The following CCND3 variants were observed in gnomAD, a reference collection of about 807,000 sequenced individuals.
CCND3 encodes the protein G1/S-specific cyclin-D3.
Under a neutral mutation model 28.7 loss-of-function variants are expected in CCND3, and 9 were observed. That is an observed-to-expected ratio of 0.31 (90% confidence interval 0.19 to 0.55). The LOEUF (loss-of-function observed/expected upper bound fraction) is 0.55. CCND3 is among the 20% of genes least tolerant of loss of function. The probability of loss-of-function intolerance (pLI) is 0.93; values close to 1 mark genes in which losing one functional copy is unlikely to be tolerated. For missense variants in CCND3, 315 were observed against 385.8 expected (o/e 0.82, Z 1.54); for synonymous variants, 164 against 163.9 (o/e 1.00, Z 0.00).
intron 1 of CCND3, among the ~76,000 whole-genome samples, chr6:41,979,121 A>C (rs1004740921): frequency 2.1e-5 from 3 of 144,520 alleles, no homozygotes; most frequent in Admixed American, 7.2e-5. Flanking sequence ...CAGTGAGCCG[A>C]GATCACACCA....
intron 1 of CCND3, among the ~76,000 whole-genome samples, chr6:41,991,208 G>A (rs1395961205): frequency 1.3e-5 from 2 of 151,944 alleles, no homozygotes; most frequent in African/African-American, 4.8e-5. Context: ...ACAGGCATGT[G>A]GCACCACACC....
At chr6:42,008,365 C>T (rs1319930220) in intron 1 of CCND3, among the ~76,000 whole-genome samples, 1 of 149,570 alleles carries the variant, frequency 6.7e-6, no homozygotes, top group Non-Finnish European at 1.5e-5. Flanking sequence ...GCAACAAGAG[C>T]GAAACTCTGT....
At chr6:42,027,055 G>A (rs910463577) in intron 1 of CCND3, among the ~76,000 whole-genome samples, 8 of 152,294 alleles carry the variant, frequency 5.3e-5, no homozygotes, top group African/African-American at 1.9e-4. Flanking sequence ...GGGTAAAGGC[G>A]TGAAAAAGGG....
At position 42,027,168 on chromosome 6, in the gene CCND3, G is replaced by A. The variant is rs569492247; in HGVS notation, c.-46+21333C>T. Among the ~76,000 whole-genome samples the A allele has an allele frequency of 3.0e-4, 45 of 152,272 alleles. 1 individual carries two copies. The highest frequency in any genetic ancestry group is 2.7e-3 in the Admixed American group (41 of 15,290). ...GTTAAGACACCACTAGGCCGGGCGC[G>A]GTGGCTCATGCCTGTAATCCCAGCA... is the stretch of plus-strand genomic sequence containing the variant. On this transcript the variant is annotated intron_variant, in intron 1 of 4. Coordinates refer to the CCND3 transcript ENST00000372988.
intron 1 of CCND3, among the ~76,000 whole-genome samples, chr6:42,023,089 A>T (rs56007794): frequency 0.22 from 32,877 of 152,212 alleles, 3,724 homozygotes; most frequent in Middle Eastern, 0.31. Context: ...CATCTTTCAC[A>T]GACATGCGCA....
intron 1 of CCND3, among the ~76,000 whole-genome samples, chr6:42,001,463 T>TAACC (rs1427528913): frequency 6.6e-6 from 1 of 151,508 alleles, no homozygotes; most frequent in African/African-American, 2.4e-5. Flanking sequence ...CCACATATAC[T>TAACC]AAGTGAAAGA....
intron 1 of CCND3, among the ~76,000 whole-genome samples, chr6:41,970,520 G>C (rs1483258599): frequency 6.6e-6 from 1 of 152,106 alleles, no homozygotes; most frequent in East Asian, 1.9e-4. Context: ...TTCATTTGAG[G>C]TCACATAGCA....
chr6:41,980,680 A>T (rs980598229), intron 1 of CCND3, among the ~76,000 whole-genome samples: 5 of 152,236 alleles, frequency 3.3e-5, no homozygotes, highest in Non-Finnish European at 1.5e-5. Flanking sequence ...AGAATTATAC[A>T]TTATGAGCAA....
chr6:42,035,163 G>A (rs1764167778), intron 1 of CCND3, among the ~76,000 whole-genome samples: 1 of 152,178 alleles, frequency 6.6e-6, no homozygotes, highest in Non-Finnish European at 1.5e-5. Flanking sequence ...TATTAGGAGA[G>A]AAGGAATGCC....
Position 41,935,678 on chromosome 6 carries a change from C to T in CCND3, c.*262G>A, listed in dbSNP as rs954167492. ...ATCCAATTCTGTCCCATCAGCCTGGCCCACCCCCAGCTAGAGTTGGGAAAG... is the reference window on the plus strand; with the variant it reads ...ATCCAATTCTGTCCCATCAGCCTGGTCCACCCCCAGCTAGAGTTGGGAAAG... On this transcript the variant is annotated 3_prime_UTR_variant, in exon 5 of 5. Transcript: ENST00000372991. 4.4e-5 allele frequency: 24 copies of T among 543,540 alleles called. No individual in the cohort carries two copies. The highest frequency in any genetic ancestry group is 4.9e-4 in the Middle Eastern group (1 of 2,054). 33.7% of individuals were successfully genotyped at this position (543,540 alleles called of 1,614,324 possible).
chr6:42,019,226 AC>A, intron 1 of CCND3, among the ~76,000 whole-genome samples: 1 of 151,956 alleles, frequency 6.6e-6, no homozygotes, highest in Admixed American at 6.6e-5. Context: ...GGTGGCTCCC[AC>A]CTGTAATCCC....
chr6:42,007,995 G>A (rs1763225939), intron 1 of CCND3, among the ~76,000 whole-genome samples: 1 of 152,088 alleles, frequency 6.6e-6, no homozygotes, highest in South Asian at 2.1e-4. Context: ...CGGGGGAGCT[G>A]GGGGCTGGGG....
intron 1 of CCND3, among the ~76,000 whole-genome samples, chr6:42,006,863 G>C (rs1039111205): frequency 6.6e-6 from 1 of 151,280 alleles, no homozygotes; most frequent in Non-Finnish European, 1.5e-5. Context: ...AGCCGAGATC[G>C]CTCCACTGCA....
chr6:41,995,270 G>C (rs1762766811), intron 1 of CCND3, among the ~76,000 whole-genome samples: 1 of 151,680 alleles, frequency 6.6e-6, no homozygotes. Context: ...CTTTTTTGTG[G>C]GGGGTGGGGT....
intron 1 of CCND3, among the ~76,000 whole-genome samples, chr6:42,025,936 G>A (rs1258839189): frequency 6.6e-6 from 1 of 152,166 alleles, no homozygotes; most frequent in Non-Finnish European, 1.5e-5. Context: ...GAATTAATGA[G>A]TGAGTGAATG....
intron 1 of CCND3, among the ~76,000 whole-genome samples, chr6:42,002,536 T>C (rs1325572123): frequency 6.6e-6 from 1 of 151,172 alleles, no homozygotes; most frequent in Non-Finnish European, 1.5e-5. Flanking sequence ...TACAGGGAAA[T>C]ATATAGCCTT....
rs1764109439 is a variant in CCND3, at chr6:42,033,622, CAGATCACCTG to C, written c.-46+14869_-46+14878del. Among the ~76,000 whole-genome samples, 3 of 147,344 alleles carry C rather than the reference CAGATCACCTG, an allele frequency of 2.0e-5. No individual in the cohort carries two copies. In the South Asian group the frequency reaches 6.5e-4, roughly 32 times the overall value. ...CAGCACTTTGGGAGGCTGAGGCGGG[CAGATCACCTG>C]AGATCAGAAGGACGAGACCAGCCTG... On this transcript the variant is annotated intron_variant, in intron 1 of 4. Coordinates refer to the CCND3 transcript ENST00000372988.
At chr6:41,983,760 C>T (rs928580842) in intron 1 of CCND3, among the ~76,000 whole-genome samples, 1 of 152,054 alleles carries the variant, frequency 6.6e-6, no homozygotes, top group African/African-American at 2.4e-5. Context: ...GTAGGAGGAT[C>T]GCTTGAGCCT....
Position 41,935,643 on chromosome 6 carries a change from T to C in CCND3, c.*297A>G, listed in dbSNP as rs935231387. ...GGGGGGGGGCGTTCAAAAGGAATGC[T>C]GGTGTATGTATCCAATTCTGTCCCA... On this transcript the variant is annotated 3_prime_UTR_variant, in exon 5 of 5. Coordinates refer to ENST00000372991, the MANE Select transcript of CCND3 (RefSeq NM_001760.5). 7 of 475,222 alleles carry C rather than the reference T, an allele frequency of 1.5e-5. No homozygotes were observed. Among genetic ancestry groups the C allele is most frequent in the African/African-American group, 7.7e-5 (4 of 51,626 alleles). 29.4% of individuals were successfully genotyped at this position (475,222 alleles called of 1,614,324 possible).
Sources: allele counts gnomAD v4.1 joint callset (sites outside exome capture counted in the v4.1 genomes callset), GRCh38; gene constraint gnomAD v4.1.1; transcripts MANE v1.5; gene names NCBI Gene and HGNC (gene_info 2026-07-23, HGNC 2026-07-21).